SGCD: variants seen among roughly 807,000 people sequenced by gnomAD.
SGCD encodes delta-sarcoglycan.
Under a neutral mutation model 36.6 loss-of-function variants are expected in SGCD, and 18 were observed. That is an observed-to-expected ratio of 0.49 (90% CI 0.34 to 0.73). The LOEUF is 0.73. SGCD is among the 30% of genes least tolerant of loss of function. SGCD has a pLI of 0.01. For missense variants in SGCD, 387 were observed against 346.7 expected, an observed-to-expected ratio of 1.12 and a Z score of -0.92; for synonymous variants, 133 against 130.6, an observed-to-expected ratio of 1.02 and a Z score of -0.12.
At chr5:156,727,994 A>G (rs1342881756) in intron 7 of SGCD, among the ~76,000 whole-genome samples, 1 of 152,216 alleles carries the variant, frequency 6.6e-6, no homozygotes, top group Non-Finnish European at 1.5e-5. Context: ...CACTGTTCTA[A>G]GTATCTTACA....
the SGCD span, among the ~76,000 whole-genome samples, chr5:155,753,322 C>A: frequency 7.7e-6 from 1 of 130,388 alleles, no homozygotes; most frequent in African/African-American, 3.9e-5. Flanking sequence ...GGTGACAGAG[C>A]GAGACTTTGT....
At chr5:156,055,529 G>A (rs1490032577) in intron 1 of SGCD, among the ~76,000 whole-genome samples, 1 of 146,380 alleles carries the variant, frequency 6.8e-6, no homozygotes, top group African/African-American at 2.5e-5. Flanking sequence ...GTTACTTGGT[G>A]TTCACCCAGT....
chr5:156,690,935 A>T (rs1380286669), intron 7 of SGCD, among the ~76,000 whole-genome samples: 1 of 152,136 alleles, frequency 6.6e-6, no homozygotes, highest in Non-Finnish European at 1.5e-5. Context: ...AGCCGGGTGC[A>T]ATGGCTTACT....
intron 7 of SGCD, among the ~76,000 whole-genome samples, chr5:156,683,514 A>G (rs1053772413): frequency 6.6e-6 from 1 of 152,232 alleles, no homozygotes; most frequent in Admixed American, 6.5e-5. Context: ...TGTAGACAAC[A>G]TTATATTTTG....
chr5:155,901,700 C>T (rs1004178409), intron 1 of SGCD, among the ~76,000 whole-genome samples: 3 of 152,212 alleles, frequency 2.0e-5, no homozygotes, highest in Admixed American at 2.0e-4. Context: ...CTTCTGGAAT[C>T]ACCTATTTGG....
chr5:155,815,058 T>G, the SGCD span, among the ~76,000 whole-genome samples: 2 of 152,040 alleles, frequency 1.3e-5, no homozygotes, highest in South Asian at 2.1e-4. Context: ...TCATTTAGTC[T>G]TAGTTTTTAT....
chr5:156,036,480 T>G (rs1485082063), intron 1 of SGCD, among the ~76,000 whole-genome samples: 1 of 152,106 alleles, frequency 6.6e-6, no homozygotes, highest in Non-Finnish European at 1.5e-5. Context: ...TCCCCTTATC[T>G]AAGGTCTATG....
chr5:156,087,379 C>T (rs1006876803), intron 1 of SGCD, among the ~76,000 whole-genome samples: 17 of 152,100 alleles, frequency 1.1e-4, no homozygotes, highest in Non-Finnish European at 2.9e-5. Context: ...TGGCTCATAC[C>T]TGTAATCCCA....
At chr5:156,325,625 G>C (rs1292521815), upstream of SGCD, among the ~76,000 whole-genome samples, 2 of 152,166 alleles carry the variant, frequency 1.3e-5, no homozygotes, top group Admixed American at 1.3e-4. Flanking sequence ...AGAGAAAGCA[G>C]ATAGAAAAAG....
intron 3 of SGCD, among the ~76,000 whole-genome samples, chr5:156,292,022 C>T (rs76024478): frequency 0.028 from 4,327 of 152,162 alleles, 94 homozygotes; most frequent in Non-Finnish European, 0.044. Context: ...CCACTAGTAA[C>T]CACCATTCTA....
chr5:156,184,296 C>T (rs1763680301), intron 3 of SGCD, among the ~76,000 whole-genome samples: 1 of 151,444 alleles, frequency 6.6e-6, no homozygotes, highest in Admixed American at 6.6e-5. Flanking sequence ...ACCATCTGTC[C>T]TAGAAGCCAC....
rs563057148 is a variant in SGCD, at chr5:156,548,791, G to A, written c.294+40089G>A. Among the ~76,000 whole-genome samples the A allele has an allele frequency of 3.9e-5, 6 of 152,234 alleles. No individual in the cohort carries two copies. The South Asian group carries it at 1.2e-3, about 32-fold the overall frequency. The stretch of plus-strand genomic sequence containing the variant: ...TGAGGCCATTGCCTTTGAGCTGGGA[G>A]GAATAATAGGAGTCCACAAAAGGAA... On this transcript the variant is annotated intron_variant, in intron 4 of 8. Coordinates refer to ENST00000337851, the MANE Select transcript of SGCD (RefSeq NM_000337.6).
intron 4 of SGCD, among the ~76,000 whole-genome samples, chr5:156,579,132 A>C (rs1349208130): frequency 6.6e-6 from 1 of 152,216 alleles, no homozygotes; most frequent in Non-Finnish European, 1.5e-5. Flanking sequence ...CATTGGTTTC[A>C]AAGAACATCC....
chr5:156,332,165 C>A (rs2127704505), intron 2 of SGCD, among the ~76,000 whole-genome samples: 1 of 152,316 alleles, frequency 6.6e-6, no homozygotes, highest in Non-Finnish European at 1.5e-5. Flanking sequence ...AAGTTTGCGT[C>A]CCCACCCCTC....
chr5:156,054,381 G>C lies in SGCD; in HGVS notation c.-281-63497G>C, dbSNP rs1468760344. Among the ~76,000 whole-genome samples the C allele has an allele frequency of 1.4e-5, 2 of 141,950 alleles. 1 individual carries two copies. Among genetic ancestry groups the C allele is most frequent in the Non-Finnish European group, 3.2e-5 (2 of 63,416 alleles). The allele number at this position is 141,950 out of a possible 152,430, so 93.1% of individuals were successfully genotyped here. ...GCTCACGGCAAGCTCCGCCTCCCGGGTTCACGCCATTCTCCTGCCTCAGCC... is the reference window on the plus strand; with the variant it reads ...GCTCACGGCAAGCTCCGCCTCCCGGCTTCACGCCATTCTCCTGCCTCAGCC... On this transcript the variant is annotated intron_variant, in intron 1 of 9. Transcript: ENST00000517913.
intron 3 of SGCD, among the ~76,000 whole-genome samples, chr5:156,182,860 T>G (rs1483121478): frequency 6.6e-6 from 1 of 152,204 alleles, no homozygotes; most frequent in Non-Finnish European, 1.5e-5. Flanking sequence ...GCAAGAACAC[T>G]TGTACATTTT....
intron 3 of SGCD, among the ~76,000 whole-genome samples, chr5:156,180,246 T>G (rs757419635): frequency 1.3e-5 from 2 of 152,206 alleles, no homozygotes; most frequent in Admixed American, 1.3e-4. Context: ...GCTAAGAAAT[T>G]ACAGCAAACC....
the SGCD span, among the ~76,000 whole-genome samples, chr5:155,814,237 A>T: frequency 4.4e-3 from 668 of 152,250 alleles, 5 homozygotes; most frequent in African/African-American, 0.015. Flanking sequence ...TCTCCACTTC[A>T]GAGTTTTCTT....
chr5:156,518,721 G>C (rs1757285172), intron 4 of SGCD, among the ~76,000 whole-genome samples: 1 of 152,080 alleles, frequency 6.6e-6, no homozygotes, highest in South Asian at 2.1e-4. Context: ...CCACACAACT[G>C]CATGGAAATT....
Sources: allele counts gnomAD v4.1 joint callset (sites outside exome capture counted in the v4.1 genomes callset), GRCh38; gene constraint gnomAD v4.1.1; transcripts MANE v1.5; gene names NCBI Gene and HGNC (gene_info 2026-07-23, HGNC 2026-07-21).